The following ARHGAP12 variants were observed in gnomAD, a reference collection of about 807,000 sequenced individuals.
ARHGAP12 encodes Rho GTPase activating protein 12.
ARHGAP12 carries 64 observed loss-of-function variants against 108.6 expected under a neutral mutation model. That is an observed-to-expected ratio of 0.59 (90% CI 0.48 to 0.73). The LOEUF is 0.73. Among genes scored for constraint, ARHGAP12 ranks in the 30% least tolerant of loss-of-function variants. ARHGAP12 has a pLI of 0.00. For synonymous variants in ARHGAP12, 312 were observed against 337.2 expected (o/e 0.93, Z 0.82); for missense variants, 940 against 1,005.9 (o/e 0.93, Z 0.89).
At chr10:31,907,611 G>A (rs1256111755) in intron 3 of ARHGAP12, among the ~76,000 whole-genome samples, 2 of 148,674 alleles carry the variant, frequency 1.3e-5, no homozygotes, top group Non-Finnish European at 3.0e-5. Flanking sequence ...TATAGCCTAG[G>A]CAACAGAGCA....
Position 31,863,702 on chromosome 10 carries a change from G to A in ARHGAP12, c.685-2044C>T, listed in dbSNP as rs137978920. 3.2e-3 allele frequency among the ~76,000 whole-genome samples: 483 copies of A among 152,130 alleles called. 2 individuals are homozygous for A. The highest frequency in any genetic ancestry group is 0.011 in the African/African-American group (447 of 41,528). Reference sequence around the variant, plus strand: ...TTAGAAATCTAGCACTACATTAAATGAAACAAGCACAGATATTAAGAAAGT... The same window carrying A: ...TTAGAAATCTAGCACTACATTAAATAAAACAAGCACAGATATTAAGAAAGT... On this transcript the variant is annotated intron_variant, in intron 3 of 19. Coordinates refer to ENST00000344936, the MANE Select transcript of ARHGAP12 (RefSeq NM_018287.7).
In ARHGAP12 at chr10:31,908,583, G is replaced by A. The variant is rs746807004; in HGVS notation, c.273C>T (p.Ser91=). 3.1e-6 allele frequency: 5 copies of A among 1,614,072 alleles called. No homozygotes were observed. Among genetic ancestry groups the A allele is most frequent in the Non-Finnish European group, 4.2e-6 (5 of 1,180,040 alleles). ...VKQVAGLPNN[S]TKIMQSLHLQ... The stretch of plus-strand genomic sequence containing the variant: ...GATGCAAACTCTGCATTATTTTCGT[G>A]GAGTTATTTGGCAGACCAGCTACCT... Residue 91 remains serine (S), a synonymous_variant, in exon 3 of 20, where the codon TCC becomes TCT. Coordinates refer to ENST00000344936, the MANE Select transcript of ARHGAP12 (RefSeq NM_018287.7).
chr10:31,861,425 T>C lies in ARHGAP12; in HGVS notation c.918A>G (p.Lys306=), dbSNP rs371660306. 3.7e-6 allele frequency: 6 copies of C among 1,613,898 alleles called. No individual in the cohort carries two copies. The highest frequency in any genetic ancestry group is 5.1e-6 in the Non-Finnish European group (6 of 1,179,918). ...GATCCCCTGGATTTTGGAAATCTCC[T>C]TTGCTGATGCTTGCATCCCGAGTCC... ...PRWTRDASIS[K]GDFQNPGDQE... Residue 306 remains lysine (K), a synonymous_variant, in exon 4 of 20, where the codon AAA becomes AAG. Coordinates refer to ENST00000344936, the MANE Select transcript of ARHGAP12 (RefSeq NM_018287.7).
At chr10:31,827,048 G>GTTA (rs1478973948) in intron 10 of ARHGAP12, 6 of 152,198 alleles carry the variant, frequency 3.9e-5, no homozygotes, top group East Asian at 1.9e-4. Flanking sequence ...GGTAACCAAT[G>GTTA]TTAAGACTTT....
intron 4 of ARHGAP12, among the ~76,000 whole-genome samples, chr10:31,857,720 G>C (rs1320887356): frequency 6.6e-6 from 1 of 152,180 alleles, no homozygotes; most frequent in Non-Finnish European, 1.5e-5. Context: ...ATTGACATCT[G>C]AATTTTCAGC....
intron 3 of ARHGAP12, among the ~76,000 whole-genome samples, chr10:31,890,217 A>G (rs985689053): frequency 6.6e-6 from 1 of 152,186 alleles, no homozygotes; most frequent in Non-Finnish European, 1.5e-5. Flanking sequence ...CTGAAAATCT[A>G]AATCAGTTTC....
rs1436749161 is a variant in ARHGAP12, at chr10:31,851,463, C to T, written c.1170+1054G>A. Among the ~76,000 whole-genome samples the T allele has an allele frequency of 4.6e-5, 7 of 152,276 alleles. No individual in the cohort carries two copies. In the East Asian group the frequency reaches 1.2e-3, roughly 25 times the overall value. ...ACACCCATGAACTTTTCCATTATGG[C>T]CACCTACACATTGTTCCATGAGATT... is the stretch of plus-strand genomic sequence containing the variant. On this transcript the variant is annotated intron_variant, in intron 6 of 19. Coordinates refer to ENST00000344936, the MANE Select transcript of ARHGAP12 (RefSeq NM_018287.7).
rs897053912 is a variant in ARHGAP12, at chr10:31,867,114, T to C, written c.685-5456A>G. ...AGAAATAAGAACCTTGTTTTCTTTT[T>C]TTTGTTTTTTTTTTTTTTGAGACGG... is the stretch of plus-strand genomic sequence containing the variant. On this transcript the variant is annotated intron_variant, in intron 3 of 19. Coordinates refer to ENST00000344936, the MANE Select transcript of ARHGAP12 (RefSeq NM_018287.7). 6.0e-5 allele frequency among the ~76,000 whole-genome samples: 9 copies of C among 150,450 alleles called. No individual in the cohort carries two copies. In the South Asian group the frequency reaches 1.2e-3, roughly 21 times the overall value.
chr10:31,914,549 C>T (rs1306442638), intron 1 of ARHGAP12, among the ~76,000 whole-genome samples: 1 of 152,046 alleles, frequency 6.6e-6, no homozygotes, highest in African/African-American at 2.4e-5. Context: ...GAAAAAAATG[C>T]TCAACATCAC....
intron 9 of ARHGAP12, among the ~76,000 whole-genome samples, chr10:31,837,962 T>G (rs750149998): frequency 6.6e-6 from 1 of 152,118 alleles, no homozygotes; most frequent in Non-Finnish European, 1.5e-5. Context: ...CTCTGTCTGG[T>G]GGGGAAGACA....
At chr10:31,838,030 T>C (rs959478801) in intron 9 of ARHGAP12, among the ~76,000 whole-genome samples, 2 of 152,180 alleles carry the variant, frequency 1.3e-5, no homozygotes, top group East Asian at 1.9e-4. Context: ...AGTTATTTTA[T>C]GTAATCGAAT....
intron 3 of ARHGAP12, among the ~76,000 whole-genome samples, chr10:31,864,325 A>G (rs1184838282): frequency 6.6e-6 from 1 of 152,176 alleles, no homozygotes; most frequent in African/African-American, 2.4e-5. Context: ...ATAGGAAAAA[A>G]ACTAACACAA....
chr10:31,870,323 G>A (rs1837493880), intron 3 of ARHGAP12, among the ~76,000 whole-genome samples: 1 of 150,328 alleles, frequency 6.7e-6, no homozygotes, highest in African/African-American at 2.5e-5. Context: ...TCCGCCTCCT[G>A]CGTTCAAGCA....
At chr10:31,817,711 G>A (rs1246054753) in intron 13 of ARHGAP12, 77 bp downstream of exon 13, 10 of 912,334 alleles carry the variant, frequency 1.1e-5, no homozygotes, top group South Asian at 5.0e-5. Context: ...ATTGCAATCC[G>A]GATATCCAAT....
intron 3 of ARHGAP12, among the ~76,000 whole-genome samples, chr10:31,891,280 A>G (rs1310931003): frequency 6.6e-6 from 1 of 152,218 alleles, no homozygotes; most frequent in South Asian, 2.1e-4. Flanking sequence ...GCCAACATAA[A>G]AAGCTAGTAT....
chr10:31,827,236 T>A (rs756528225), intron 10 of ARHGAP12, among the ~76,000 whole-genome samples: 10 of 152,200 alleles, frequency 6.6e-5, no homozygotes, highest in Non-Finnish European at 8.8e-5. Context: ...TATTAGAGAT[T>A]TTTATGTAAA....
intron 7 of ARHGAP12, among the ~76,000 whole-genome samples, chr10:31,842,574 C>T (rs1836309029): frequency 6.6e-6 from 1 of 151,962 alleles, no homozygotes; most frequent in African/African-American, 2.4e-5. Flanking sequence ...TTTATAGTAA[C>T]TTGTAGTACC....
chr10:31,854,574 A>C (rs1836816840), intron 4 of ARHGAP12, among the ~76,000 whole-genome samples: 1 of 152,162 alleles, frequency 6.6e-6, no homozygotes, highest in South Asian at 2.1e-4. Flanking sequence ...ACAAGGGAGG[A>C]GACGAGGGAA....
At chr10:31,876,318 G>C (rs1837730175) in intron 3 of ARHGAP12, among the ~76,000 whole-genome samples, 1 of 152,166 alleles carries the variant, frequency 6.6e-6, no homozygotes, top group African/African-American at 2.4e-5. Flanking sequence ...AGGCGGTAGA[G>C]ACCAGCCTGG....
Sources: gnomAD v4.1 joint callset for allele counts (sites outside exome capture counted in the v4.1 genomes callset) on GRCh38, gnomAD v4.1.1 for gene constraint, MANE v1.5 for transcripts, NCBI Gene and HGNC (gene_info 2026-07-23, HGNC 2026-07-21) for gene names.